PIK3AP1: variants seen among roughly 807,000 people sequenced by gnomAD.
PIK3AP1 encodes phosphoinositide 3-kinase adapter protein 1.
PIK3AP1 carries 21 observed loss-of-function variants against 88.1 expected under a neutral mutation model. The observed-to-expected ratio is 0.24, with a 90% confidence interval of 0.17 to 0.34. The LOEUF (loss-of-function observed/expected upper bound fraction) is 0.34. PIK3AP1 is among the 10% of genes least tolerant of loss of function. The pLI is 1.00. For synonymous variants in PIK3AP1, 398 were observed against 400.0 expected (o/e 1.00, Z 0.06); for missense variants, 828 against 1,035.7 (o/e 0.80, Z 2.75).
intron 2 of PIK3AP1, among the ~76,000 whole-genome samples, chr10:96,665,819 A>T (rs927655446): frequency 6.6e-6 from 1 of 152,164 alleles, no homozygotes; most frequent in Non-Finnish European, 1.5e-5. Context: ...AACTGAACAC[A>T]AGGAGATTTT....
At chr10:96,675,385 G>A (rs1472080052) in intron 2 of PIK3AP1, among the ~76,000 whole-genome samples, 1 of 152,154 alleles carries the variant, frequency 6.6e-6, no homozygotes, top group African/African-American at 2.4e-5. Flanking sequence ...GTTGGCCACT[G>A]GCAAATCTTG....
chr10:96,712,953 C>T (rs575020784), intron 1 of PIK3AP1, among the ~76,000 whole-genome samples: 1 of 152,304 alleles, frequency 6.6e-6, no homozygotes, highest in Admixed American at 6.5e-5. Context: ...GTTGTGGTCC[C>T]ATATACTAGT....
intron 12 of PIK3AP1, among the ~76,000 whole-genome samples, chr10:96,617,380 A>T (rs1843008780): frequency 6.6e-6 from 1 of 152,206 alleles, no homozygotes; most frequent in African/African-American, 2.4e-5. Flanking sequence ...TTCTAGGGAA[A>T]ATGTCCAGAC....
At chr10:96,625,688 CCAA>C (rs2134206347) in intron 10 of PIK3AP1, among the ~76,000 whole-genome samples, 1 of 152,290 alleles carries the variant, frequency 6.6e-6, no homozygotes, top group South Asian at 2.1e-4. Flanking sequence ...TGCCACACCT[CCAA>C]CAACATGATG....
intron 2 of PIK3AP1, among the ~76,000 whole-genome samples, chr10:96,665,247 T>C (rs1291412908): frequency 2.0e-5 from 3 of 152,226 alleles, no homozygotes; most frequent in Admixed American, 6.5e-5. Flanking sequence ...TTCTTCAAAG[T>C]GTCATCTATA....
intron 1 of PIK3AP1, among the ~76,000 whole-genome samples, chr10:96,717,784 A>C (rs1326588739): frequency 6.6e-6 from 1 of 152,158 alleles, no homozygotes; most frequent in Non-Finnish European, 1.5e-5. Flanking sequence ...GTGTAAATAC[A>C]CAAGATGCCA....
intron 6 of PIK3AP1, 68 bp downstream of exon 6, chr10:96,651,180 T>C (rs911754269): frequency 1.5e-5 from 24 of 1,588,538 alleles, no homozygotes; most frequent in Non-Finnish European, 2.1e-5. Context: ...CGTATGTTGA[T>C]GGGATGCTGA....
At chr10:96,700,271 G>A (rs1045396208) in intron 2 of PIK3AP1, among the ~76,000 whole-genome samples, 3 of 152,192 alleles carry the variant, frequency 2.0e-5, no homozygotes, top group African/African-American at 7.2e-5. Flanking sequence ...CCACCCCACC[G>A]AGATCTCTCG....
At chr10:96,644,865 T>C (rs994632241) in intron 8 of PIK3AP1, among the ~76,000 whole-genome samples, 1 of 151,892 alleles carries the variant, frequency 6.6e-6, no homozygotes, top group Non-Finnish European at 1.5e-5. Context: ...TCATAAAGAG[T>C]TGTTCACCAT....
At chr10:96,633,870 C>T (rs1178018184) in intron 8 of PIK3AP1, among the ~76,000 whole-genome samples, 1 of 152,176 alleles carries the variant, frequency 6.6e-6, no homozygotes, top group African/African-American at 2.4e-5. Context: ...AACATCAATT[C>T]TTTACAATAG....
At chr10:96,627,322 C>G (rs1292537849) in intron 9 of PIK3AP1, among the ~76,000 whole-genome samples, 1 of 152,212 alleles carries the variant, frequency 6.6e-6, no homozygotes, top group Non-Finnish European at 1.5e-5. Context: ...CAAGACTCCC[C>G]TCTCAGGGAA....
chr10:96,596,839 G>C (rs1307771930), intron 16 of PIK3AP1, among the ~76,000 whole-genome samples: 4 of 152,174 alleles, frequency 2.6e-5, no homozygotes, highest in Admixed American at 6.5e-5. Flanking sequence ...TCAAGAAAAA[G>C]AGCTTTGTTA....
At chr10:96,649,985 C>T (rs970767841) in intron 6 of PIK3AP1, among the ~76,000 whole-genome samples, 1 of 152,232 alleles carries the variant, frequency 6.6e-6, no homozygotes, top group Non-Finnish European at 1.5e-5. Context: ...ACTTTATAGA[C>T]ATACATTTAT....
At chr10:96,649,162 T>C (rs1275205078) in intron 6 of PIK3AP1, among the ~76,000 whole-genome samples, 1 of 152,200 alleles carries the variant, frequency 6.6e-6, no homozygotes, top group African/African-American at 2.4e-5. Context: ...TTCTCTCGCC[T>C]CAGCCTCTCA....
Position 96,607,177 on chromosome 10 carries a change from A to G in PIK3AP1, c.2170+2535T>C, listed in dbSNP as rs973777554. The stretch of plus-strand genomic sequence containing the variant: ...GGGGTTAAGGGGCAGTTGGTGGATA[A>G]GCTGGGCCATCCTCACTCTCCCTCT... On this transcript the variant is annotated intron_variant, in intron 14 of 16. Coordinates refer to ENST00000339364, the MANE Select transcript of PIK3AP1 (RefSeq NM_152309.3). Among the ~76,000 whole-genome samples, 38 of 152,264 alleles carry G rather than the reference A, an allele frequency of 2.5e-4. 1 individual carries two copies. Among genetic ancestry groups the G allele is most frequent in the Admixed American group, 1.2e-3 (19 of 15,292 alleles).
chr10:96,703,088 G>C (rs1248244400), intron 2 of PIK3AP1, among the ~76,000 whole-genome samples: 1 of 152,110 alleles, frequency 6.6e-6, no homozygotes, highest in African/African-American at 2.4e-5. Context: ...ACATTGCCCA[G>C]GCTGGTCTTG....
At position 96,704,873 on chromosome 10, in the gene PIK3AP1, A is replaced by G. The variant is rs896092056; in HGVS notation, c.430+4694T>C. On this transcript the variant is annotated intron_variant, in intron 2 of 16. Coordinates refer to ENST00000339364, the MANE Select transcript of PIK3AP1 (RefSeq NM_152309.3). ...TTTAGCTAGCATAGCAGCAAAAGAAAGTATAATTGACTACCTGTAATCTAA... is the reference window on the plus strand; with the variant it reads ...TTTAGCTAGCATAGCAGCAAAAGAAGGTATAATTGACTACCTGTAATCTAA... 2.0e-5 allele frequency among the ~76,000 whole-genome samples: 3 copies of G among 152,196 alleles called. No homozygotes were observed. In the East Asian group the frequency reaches 5.8e-4, roughly 29 times the overall value.
chr10:96,705,579 C>CT (rs57429192), intron 2 of PIK3AP1, among the ~76,000 whole-genome samples: 3,127 of 133,918 alleles, frequency 0.023, 51 homozygotes, highest in African/African-American at 0.026. Flanking sequence ...CATTGCATTT[C>CT]TTTTTTTTTT....
chr10:96,670,645 T>C (rs1268953367), intron 2 of PIK3AP1, among the ~76,000 whole-genome samples: 2 of 152,234 alleles, frequency 1.3e-5, no homozygotes, highest in African/African-American at 4.8e-5. Context: ...GAGAGGACCC[T>C]GATTCCCATG....
Sources: gnomAD v4.1 joint callset for allele counts (sites outside exome capture counted in the v4.1 genomes callset) on GRCh38, gnomAD v4.1.1 for gene constraint, MANE v1.5 for transcripts, NCBI Gene and HGNC (gene_info 2026-07-23, HGNC 2026-07-21) for gene names.